The following FZD6 variants were observed in gnomAD, a reference collection of about 807,000 sequenced individuals.
FZD6 encodes the protein frizzled-6.
Under a neutral mutation model 61.4 loss-of-function variants are expected in FZD6, and 49 were observed. That is an observed-to-expected ratio of 0.80 (90% CI 0.63 to 1.01). FZD6 has a LOEUF of 1.01. Among genes scored for constraint, FZD6 ranks in the 50% least tolerant of loss-of-function variants. The pLI, the probability that FZD6 is intolerant of heterozygous loss-of-function variation, is 0.00. For missense variants in FZD6, 724 were observed against 848.2 expected (o/e 0.85, Z 1.82); for synonymous variants, 265 against 292.2 (o/e 0.91, Z 0.95).
In FZD6 at chr8:103,318,591, A is replaced by G; in HGVS notation, c.179A>G (p.His60Arg). 1 of 1,580,358 alleles carries G rather than the reference A, an allele frequency of 6.3e-7. No homozygotes were observed. Among genetic ancestry groups the G allele is most frequent in the Non-Finnish European group, 8.7e-7 (1 of 1,149,468 alleles). Residue 60 changes from histidine (H) to arginine (R), a missense_variant and splice_region_variant, in exon 3 of 7, where the codon CAT (histidine) becomes CGT (arginine). His to Arg is a conservative substitution (Grantham distance 29). Transcript: ENST00000358755. Reference protein sequence around the residue: ...DQSIAAVEMEHFLPLANLECS... With the variant: ...DQSIAAVEMERFLPLANLECS... ...ACTGTATCTTGATGTCTTTAATAGC[A>G]TTTTCTTCCTCTCGCAAATCTGGAA... is the stretch of plus-strand genomic sequence containing the variant.
intron 2 of FZD6, among the ~76,000 whole-genome samples, chr8:103,311,075 G>A (rs1489119141): frequency 2.6e-5 from 4 of 152,102 alleles, no homozygotes; most frequent in African/African-American, 9.7e-5. Flanking sequence ...CAGGAGAACC[G>A]GGTTCAAAAT....
chr8:103,316,895 G>A (rs1250660060), intron 2 of FZD6, among the ~76,000 whole-genome samples: 1 of 152,176 alleles, frequency 6.6e-6, no homozygotes, highest in Non-Finnish European at 1.5e-5. Context: ...CCATGTAGCA[G>A]ACACTGCTTT....
intron 3 of FZD6, among the ~76,000 whole-genome samples, chr8:103,322,506 A>C (rs1057188304): frequency 4.6e-5 from 7 of 152,206 alleles, no homozygotes; most frequent in Non-Finnish European, 1.0e-4. Context: ...ATTAGAGTTC[A>C]TGTGGAGAAA....
Position 103,325,274 on chromosome 8 carries a change from A to G in FZD6, c.1168A>G (p.Ile390Val). The stretch of plus-strand genomic sequence containing the variant: ...TGGGCTCTCTCTTCTTTTAGCTGGC[A>G]TTATTTCCTTAAATCATGTTCGACA... ...FVGLSLLLAGIISLNHVRQVI... is the reference protein window; with the variant it reads ...FVGLSLLLAGVISLNHVRQVI... The change falls in exon 4 of 7, where the codon ATT becomes GTT. Residue 390 changes from isoleucine to valine, a missense_variant. Coordinates refer to ENST00000358755, the MANE Select transcript of FZD6 (RefSeq NM_003506.4). The G allele has an allele frequency of 6.2e-7, 1 of 1,614,118 alleles. No individual in the cohort carries two copies. The highest frequency in any genetic ancestry group is 1.3e-5 in the African/African-American group (1 of 75,022).
chr8:103,317,222 A>G (rs1027633259), intron 2 of FZD6, among the ~76,000 whole-genome samples: 6 of 152,214 alleles, frequency 3.9e-5, no homozygotes, highest in African/African-American at 1.2e-4. Context: ...ACATGGAACT[A>G]TAAGAAGTAG....
At position 103,331,588 on chromosome 8, in the gene FZD6, T is replaced by C; in HGVS notation, c.*79T>C. The C allele has an allele frequency of 1.0e-6, 1 of 976,478 alleles. No homozygotes were observed. The highest frequency in any genetic ancestry group is 1.6e-6 in the Non-Finnish European group (1 of 615,318). The allele number at this position is 976,478 out of a possible 1,614,324, so 60.5% of individuals were successfully genotyped here. A position where few individuals can be genotyped will look rare whatever the true frequency, so the allele number is the denominator to read the frequency against. ...CTATGCACTGTTTTGTAAGAATCAC[T>C]GTTACATTCTTCTTTTGCACTTAAA... On this transcript the variant is annotated 3_prime_UTR_variant, in exon 7 of 7. Transcript: ENST00000358755.
chr8:103,302,262 A>G (rs2130261421), intron 2 of FZD6, among the ~76,000 whole-genome samples: 1 of 152,296 alleles, frequency 6.6e-6, no homozygotes, highest in East Asian at 1.9e-4. Context: ...ATTTATCCAT[A>G]TACAGTAGTA....
At chr8:103,331,049 C>T (rs1815110124) in intron 6 of FZD6, among the ~76,000 whole-genome samples, 1 of 152,014 alleles carries the variant, frequency 6.6e-6, no homozygotes. Context: ...TGGTGGCACC[C>T]ACCTGTAGTC....
rs1328172302 is a variant in FZD6 at position 103,325,157 on chromosome 8, G to C, written c.1051G>C (p.Asp351His). ...MLLAMNKVEG[D>H]NISGVCFVGL... ...TCTTGCTATGAACAAAGTTGAAGGA[G>C]ACAACATTAGTGGAGTTTGCTTTGT... The change falls in exon 4 of 7, where the codon GAC becomes CAC. Residue 351 changes from aspartate to histidine, a missense_variant. Coordinates refer to ENST00000358755, the MANE Select transcript of FZD6 (RefSeq NM_003506.4). 2 of 1,613,914 alleles carry C rather than the reference G, an allele frequency of 1.2e-6. No homozygotes were observed. The highest frequency in any genetic ancestry group is 1.1e-5 in the South Asian group (1 of 91,082).
chr8:103,308,001 A>G, intron 2 of FZD6: 2 of 454,166 alleles, frequency 4.4e-6, no homozygotes, highest in South Asian at 3.1e-5. Context: ...CTGGAACATG[A>G]TACCATATTG....
rs1325611528 is a variant in FZD6, at chr8:103,325,313, G to C, written c.1207G>C (p.Asp403His). ...TCATGTTCGACAAGTCATACAACAT[G>C]ATGGCCGGAACCAAGAAAAACTAAA... ...LNHVRQVIQH[D>H]GRNQEKLKKF... The change falls in exon 4 of 7, where the codon GAT becomes CAT. Residue 403 changes from aspartate to histidine, a missense_variant. Asp to His is a moderately conservative substitution (Grantham distance 81). Transcript: ENST00000358755. 2 of 1,614,116 alleles carry C rather than the reference G, an allele frequency of 1.2e-6. No homozygotes were observed. Among genetic ancestry groups the C allele is most frequent in the Non-Finnish European group, 1.7e-6 (2 of 1,179,980 alleles).
intron 3 of FZD6, among the ~76,000 whole-genome samples, chr8:103,322,373 A>T (rs1388413898): frequency 3.9e-5 from 2 of 51,292 alleles, no homozygotes; most frequent in South Asian, 1.4e-3. Flanking sequence ...AGTCTCCATT[A>T]AAAAAAAAAA....
chr8:103,327,581 G>A (rs1317067165), intron 4 of FZD6, among the ~76,000 whole-genome samples: 1 of 152,128 alleles, frequency 6.6e-6, no homozygotes, highest in African/African-American at 2.4e-5. Context: ...GGGTGACAGA[G>A]TGAGACTCCA....
At chr8:103,310,003 G>A (rs1442728113) in intron 2 of FZD6, among the ~76,000 whole-genome samples, 1 of 152,102 alleles carries the variant, frequency 6.6e-6, no homozygotes, top group Non-Finnish European at 1.5e-5. Context: ...TTGAAGACTG[G>A]TGGGATGGGG....
rs949597006 is a variant in FZD6, at chr8:103,317,963, C to T, written c.178-627C>T. On this transcript the variant is annotated intron_variant, in intron 2 of 6. Coordinates refer to ENST00000358755, the MANE Select transcript of FZD6 (RefSeq NM_003506.4). ...AGGGAGTGTTTGGGAGGCAGAGATA[C>T]GGTGGGATTGAGTTGTATTTTGCAT... is the stretch of plus-strand genomic sequence containing the variant. Among the ~76,000 whole-genome samples the T allele has an allele frequency of 5.3e-5, 8 of 152,030 alleles. No individual in the cohort carries two copies. In the East Asian group the frequency reaches 5.8e-4, roughly 11 times the overall value.
intron 2 of FZD6, among the ~76,000 whole-genome samples, chr8:103,313,360 A>G (rs893393282): frequency 5.3e-5 from 8 of 152,192 alleles, no homozygotes; most frequent in African/African-American, 1.7e-4. Context: ...GTGAGTAACA[A>G]TTTTAATAAG....
chr8:103,306,884 T>G (rs1814349994), intron 2 of FZD6, among the ~76,000 whole-genome samples: 1 of 152,120 alleles, frequency 6.6e-6, no homozygotes, highest in African/African-American at 2.4e-5. Flanking sequence ...ATCGACTTTG[T>G]TTTTGGTGCC....
intron 4 of FZD6, among the ~76,000 whole-genome samples, chr8:103,327,811 ATACT>A (rs1381536629): frequency 6.6e-6 from 1 of 152,150 alleles, no homozygotes; most frequent in Non-Finnish European, 1.5e-5. Context: ...CATTTTACTG[ATACT>A]TAATTTACTT....
rs935277362 is a variant in FZD6, at chr8:103,332,304, G to A, written c.*795G>A. On this transcript the variant is annotated 3_prime_UTR_variant, in exon 7 of 7. Coordinates refer to ENST00000358755, the MANE Select transcript of FZD6 (RefSeq NM_003506.4). Reference sequence around the variant, plus strand: ...TTAGTAGACAAAATGTTAGTCTTTTGTATATTAGGCCAAGTGCAATTGACT... The same window carrying A: ...TTAGTAGACAAAATGTTAGTCTTTTATATATTAGGCCAAGTGCAATTGACT... The A allele has an allele frequency of 5.9e-5, 9 of 152,096 alleles. No homozygotes were observed. Among genetic ancestry groups the A allele is most frequent in the African/African-American group, 2.2e-4 (9 of 41,434 alleles). 9.4% of individuals were successfully genotyped at this position (152,096 alleles called of 1,614,324 possible).
Sources: gnomAD v4.1 joint callset for allele counts (sites outside exome capture counted in the v4.1 genomes callset) on GRCh38, gnomAD v4.1.1 for gene constraint, MANE v1.5 for transcripts, NCBI Gene and HGNC (gene_info 2026-07-23, HGNC 2026-07-21) for gene names.